DCAF4L1: variants seen among roughly 807,000 people sequenced by gnomAD.
DCAF4L1 encodes DDB1- and CUL4-associated factor 4-like protein 1.
DCAF4L1 carries 4 observed loss-of-function variants against 28.2 expected under a neutral mutation model. That is an observed-to-expected ratio of 0.14 (90% CI 0.07 to 0.33). The LOEUF (loss-of-function observed/expected upper bound fraction) is 0.33. Ranked by LOEUF, DCAF4L1 falls within the 10% of genes least tolerant of loss-of-function variation. The pLI, the probability that DCAF4L1 is intolerant of heterozygous loss-of-function variation, is 1.00. For synonymous variants in DCAF4L1, 252 were observed against 212.1 expected, an observed-to-expected ratio of 1.19 and a Z score of -1.63; for missense variants, 331 against 506.1, an observed-to-expected ratio of 0.65 and a Z score of 3.32.
Position 41,985,650 on chromosome 4 carries a change from TGTTCATTAATAGTAGAGTGGATA to T in DCAF4L1, c.*2668_*2690del, listed in dbSNP as rs1342322289. 1.2e-5 allele frequency: 2 copies of T among 167,112 alleles called. No homozygotes were observed. The highest frequency in any genetic ancestry group is 2.9e-5 in the Non-Finnish European group (2 of 68,132). 10.4% of individuals were successfully genotyped at this position (167,112 alleles called of 1,614,324 possible). On this transcript the variant is annotated 3_prime_UTR_variant, in exon 1 of 1. Coordinates refer to ENST00000333141, the MANE Select transcript of DCAF4L1 (RefSeq NM_001029955.4). ...TAGCTCCAACTGGAAACTACCCAAA[TGTTCATTAATAGTAGAGTGGATA>T]AATTGTGGGATATTAACACAATGGA...
chr4:41,982,290 T>A lies in DCAF4L1; in HGVS notation c.498T>A (p.Ser166Arg), dbSNP rs566185054. 4 of 1,614,220 alleles carry A rather than the reference T, an allele frequency of 2.5e-6. No individual in the cohort carries two copies. The highest frequency in any genetic ancestry group is 3.4e-6 in the Non-Finnish European group (4 of 1,180,038). ...TGCTCCCAGCGTCGCGGTTCTTAAG[T>A]GTTCACACAAGAGTTAACCAGCCTG... is the stretch of plus-strand genomic sequence containing the variant. ...AVLLPASRFL[S>R]VHTRVNQPGM... The change falls in exon 1 of 1, where the codon AGT (serine) becomes AGA (arginine). Residue 166 changes from serine to arginine, a missense_variant. By Grantham distance (110) the Ser-to-Arg change is moderately radical. Transcript: ENST00000333141. This position sits in a 1 kb window ranked among gnomAD's most constrained non-coding sequence, Gnocchi z 4.4.
At position 41,982,017 on chromosome 4, in the gene DCAF4L1, C is replaced by T; in HGVS notation, c.225C>T (p.Asn75=). 1.9e-6 allele frequency: 3 copies of T among 1,614,238 alleles called. No homozygotes were observed. Among genetic ancestry groups the T allele is most frequent in the Non-Finnish European group, 2.5e-6 (3 of 1,180,054 alleles). Residue 75 remains asparagine (N), a synonymous_variant, in exon 1 of 1, where the codon AAC becomes AAT. Coordinates refer to ENST00000333141, the MANE Select transcript of DCAF4L1 (RefSeq NM_001029955.4). The surrounding 1 kb of genome is among the most constrained non-coding windows in gnomAD (Gnocchi z 4.4). ...CCTCTTTGGCGAGCGACCGATTTAA[C>T]TTCATTCTGGCGAGTACCAACAGCG... is the stretch of plus-strand genomic sequence containing the variant. ...DPSSLASDRF[N]FILASTNSDQ...
rs1276494624 is a variant in DCAF4L1, at chr4:41,983,266, T to TA, written c.*286dup. Reference sequence around the variant, plus strand: ...CCACCTCCCCAACCCTTTTTTTTTTTAAATAATTAAGACTTTTCTAAGGAC... The same window carrying TA: ...CCACCTCCCCAACCCTTTTTTTTTTTAAAATAATTAAGACTTTTCTAAGGAC... On this transcript the variant is annotated 3_prime_UTR_variant, in exon 1 of 1. Coordinates refer to ENST00000333141, the MANE Select transcript of DCAF4L1 (RefSeq NM_001029955.4). The TA allele has an allele frequency of 1.4e-4, 40 of 277,296 alleles. No homozygotes were observed. Among genetic ancestry groups the TA allele is most frequent in the Middle Eastern group, 1.2e-3 (1 of 826 alleles). 17.2% of individuals were successfully genotyped at this position (277,296 alleles called of 1,614,324 possible). A position where few individuals can be genotyped will look rare whatever the true frequency, so the allele number is the denominator to read the frequency against.
At position 41,981,972 on chromosome 4, in the gene DCAF4L1, A is replaced by T; in HGVS notation, c.180A>T (p.Gln60His). Residue 60 changes from glutamine (Q) to histidine (H), a missense_variant, in exon 1 of 1, where the codon CAA becomes CAT. Physicochemically the swap from Gln to His is conservative, Grantham distance 24. Coordinates refer to ENST00000333141, the MANE Select transcript of DCAF4L1 (RefSeq NM_001029955.4). The part of the protein sequence containing the change: ...RVSCMERKKV[Q>H]IRSLDPSSLA... Reference sequence around the variant, plus strand: ...GCTGCATGGAGCGGAAAAAGGTCCAAATTCGGAGCTTGGATCCCTCCTCTT... The same window carrying T: ...GCTGCATGGAGCGGAAAAAGGTCCATATTCGGAGCTTGGATCCCTCCTCTT... 6.2e-7 allele frequency: 1 copy of T among 1,614,210 alleles called. No homozygotes were observed.
rs1211292161 is a variant in DCAF4L1, at chr4:41,983,924, A to G, written c.*941A>G. On this transcript the variant is annotated 3_prime_UTR_variant, in exon 1 of 1. Transcript: ENST00000333141. ...ATACAATCGGATACTGCATAATAAT[A>G]GAAAATAAGGCACACTTGCTATGTG... 6.0e-6 allele frequency: 1 copy of G among 166,280 alleles called. No homozygotes were observed. Among genetic ancestry groups the G allele is most frequent in the Non-Finnish European group, 1.5e-5 (1 of 68,118 alleles). The allele number at this position is 166,280 out of a possible 1,614,324, so 10.3% of individuals were successfully genotyped here. A position where few individuals can be genotyped will look rare whatever the true frequency, so the allele number is the denominator to read the frequency against.
At position 41,985,108 on chromosome 4, in the gene DCAF4L1, GTA is replaced by G. The variant is rs372013647; in HGVS notation, c.*2137_*2138del. On this transcript the variant is annotated 3_prime_UTR_variant, in exon 1 of 1. Transcript: ENST00000333141. ...AAGAACTAGCTGCAGACATATATAT[GTA>G]TATATATATATGTCTGATACTGATA... The G allele has an allele frequency of 1.3e-3, 221 of 165,246 alleles. No individual in the cohort carries two copies. The highest frequency in any genetic ancestry group is 4.0e-3 in the African/African-American group (165 of 41,030). The allele number at this position is 165,246 out of a possible 1,614,324, so 10.2% of individuals were successfully genotyped here.
At position 41,982,484 on chromosome 4, in the gene DCAF4L1, A is replaced by G. The variant is rs1354873085; in HGVS notation, c.692A>G (p.Gln231Arg). 20 of 1,614,092 alleles carry G rather than the reference A, an allele frequency of 1.2e-5. No homozygotes were observed. The highest frequency in any genetic ancestry group is 1.7e-5 in the Non-Finnish European group (20 of 1,180,042). Reference protein sequence around the residue: ...FDTSSDVLAQQFASTAPLLFN... With the variant: ...FDTSSDVLAQRFASTAPLLFN... ...ACCAGCAGTGATGTCTTGGCCCAGC[A>G]GTTTGCTAGTACGGCTCCTTTGCTG... Residue 231 changes from glutamine to arginine, a missense_variant, in exon 1 of 1, where the codon CAG becomes CGG. Physicochemically the swap from Gln to Arg is conservative, Grantham distance 43. Transcript: ENST00000333141. The surrounding 1 kb of genome is among the most constrained non-coding windows in gnomAD (Gnocchi z 4.4).
rs916327629 is a variant in DCAF4L1, at chr4:41,982,931, C to CA, written c.1140dup (p.Gly381ArgfsTer31). ...CTCGGGGGCATCCGGGGAGCAGCACCAGGGCTGCTCATGGCTGTCCGGCAG... is the reference window on the plus strand; with the variant it reads ...CTCGGGGGCATCCGGGGAGCAGCACCAAGGGCTGCTCATGGCTGTCCGGCAG... On this transcript the variant is annotated frameshift_variant, in exon 1 of 1. Coordinates refer to ENST00000333141, the MANE Select transcript of DCAF4L1 (RefSeq NM_001029955.4). LOFTEE classifies it high-confidence loss of function. This position sits in a 1 kb window ranked among gnomAD's most constrained non-coding sequence, Gnocchi z 4.4. 6 of 1,613,918 alleles carry CA rather than the reference C, an allele frequency of 3.7e-6. No homozygotes were observed. In the African/African-American group the frequency reaches 6.7e-5, roughly 18 times the overall value.
rs1326978035 is a variant in DCAF4L1 at position 41,984,105 on chromosome 4, TTTC to T, written c.*1125_*1127del. 2 of 164,048 alleles carry T rather than the reference TTTC, an allele frequency of 1.2e-5. No individual in the cohort carries two copies. The highest frequency in any genetic ancestry group is 1.3e-4 in the Admixed American group (2 of 15,192). 10.2% of individuals were successfully genotyped at this position (164,048 alleles called of 1,614,324 possible). ...CCTCTGTAGAAAGAAAGGATTTTTT[TTTC>T]TTTTTCTTTTTAGGATGTTTGAGAA... On this transcript the variant is annotated 3_prime_UTR_variant, in exon 1 of 1. Coordinates refer to ENST00000333141, the MANE Select transcript of DCAF4L1 (RefSeq NM_001029955.4).
rs1315238353 is a variant in DCAF4L1 at position 41,986,183 on chromosome 4, G to A, written c.*3200G>A. Reference sequence around the variant, plus strand: ...AGGACCTTGATCCCCTATATTGCCTGTGTTGTAAGGGATGGGCTGGGGGTT... The same window carrying A: ...AGGACCTTGATCCCCTATATTGCCTATGTTGTAAGGGATGGGCTGGGGGTT... On this transcript the variant is annotated 3_prime_UTR_variant, in exon 1 of 1. Transcript: ENST00000333141. 2 of 167,142 alleles carry A rather than the reference G, an allele frequency of 1.2e-5. No individual in the cohort carries two copies. Among genetic ancestry groups the A allele is most frequent in the African/African-American group, 4.8e-5 (2 of 41,452 alleles). The allele number at this position is 167,142 out of a possible 1,614,324, so 10.4% of individuals were successfully genotyped here.
At position 41,984,993 on chromosome 4, in the gene DCAF4L1, T is replaced by A. The variant is rs1714105915; in HGVS notation, c.*2010T>A. On this transcript the variant is annotated 3_prime_UTR_variant, in exon 1 of 1. Transcript: ENST00000333141. ...CTAAATGATAAAGTAGATACAGGGT[T>A]AAAGGATATGTATCTTGTCCCTTTT... 1 of 167,032 alleles carries A rather than the reference T, an allele frequency of 6.0e-6. No homozygotes were observed. The highest frequency in any genetic ancestry group is 1.5e-5 in the Non-Finnish European group (1 of 68,106). 10.3% of individuals were successfully genotyped at this position (167,032 alleles called of 1,614,324 possible).
Position 41,982,666 on chromosome 4 carries a change from G to A in DCAF4L1, c.874G>A (p.Gly292Arg). The change falls in exon 1 of 1, where the codon GGA (glycine) becomes AGA (arginine). Residue 292 changes from glycine (G) to arginine (R), a missense_variant. Physicochemically the swap from Gly to Arg is moderately radical, Grantham distance 125. Transcript: ENST00000333141. This position sits in a 1 kb window ranked among gnomAD's most constrained non-coding sequence, Gnocchi z 4.4. ...EQCLMASDMT[G>R]KIKLWDLRAT... ...ATGCCTGATGGCATCAGACATGACTGGAAAGATCAAGCTGTGGGATCTGAG... is the reference window on the plus strand; with the variant it reads ...ATGCCTGATGGCATCAGACATGACTAGAAAGATCAAGCTGTGGGATCTGAG... 1 of 1,614,234 alleles carries A rather than the reference G, an allele frequency of 6.2e-7. No individual in the cohort carries two copies. Among genetic ancestry groups the A allele is most frequent in the Non-Finnish European group, 8.5e-7 (1 of 1,180,038 alleles).
At position 41,981,808 on chromosome 4, in the gene DCAF4L1, C is replaced by G. The variant is rs778912180; in HGVS notation, c.16C>G (p.Leu6Val). The change falls in exon 1 of 1, where the codon CTG becomes GTG. Residue 6 changes from leucine (L) to valine (V), a missense_variant. Coordinates refer to ENST00000333141, the MANE Select transcript of DCAF4L1 (RefSeq NM_001029955.4). Reference sequence around the variant, plus strand: ...GCAGGAGGAAATGGAGGCTGAAAGGCTGCGACTCCTCGAGGAAGAGGCCAA... The same window carrying G: ...GCAGGAGGAAATGGAGGCTGAAAGGGTGCGACTCCTCGAGGAAGAGGCCAA... MEAER[L>V]RLLEEEAKLK... 9 of 1,613,942 alleles carry G rather than the reference C, an allele frequency of 5.6e-6. No homozygotes were observed. The highest frequency in any genetic ancestry group is 7.6e-6 in the Non-Finnish European group (9 of 1,179,870).
chr4:41,982,989 C>A lies in DCAF4L1; in HGVS notation c.*6C>A. On this transcript the variant is annotated 3_prime_UTR_variant, in exon 1 of 1. Transcript: ENST00000333141. The surrounding 1 kb of genome is among the most constrained non-coding windows in gnomAD (Gnocchi z 4.4). ...ATTGTTTCCCCTTCAGCTAATTCTG[C>A]AGGTGGCAGCGCGGCCGAATGTGGA... is the stretch of plus-strand genomic sequence containing the variant. 1 of 1,590,778 alleles carries A rather than the reference C, an allele frequency of 6.3e-7. No individual in the cohort carries two copies. Among genetic ancestry groups the A allele is most frequent in the Admixed American group, 1.8e-5 (1 of 56,394 alleles).
rs1003810658 is a variant in DCAF4L1, at chr4:41,984,739, T to C, written c.*1756T>C. ...AATTTGGTGACTTCAATACATAGAA[T>C]TAAAATAGATGGGATAGATGTGCTT... is the stretch of plus-strand genomic sequence containing the variant. On this transcript the variant is annotated 3_prime_UTR_variant, in exon 1 of 1. Transcript: ENST00000333141. 4 of 167,012 alleles carry C rather than the reference T, an allele frequency of 2.4e-5. No individual in the cohort carries two copies. The highest frequency in any genetic ancestry group is 5.9e-5 in the Non-Finnish European group (4 of 68,104). The allele number at this position is 167,012 out of a possible 1,614,324, so 10.3% of individuals were successfully genotyped here. A position where few individuals can be genotyped will look rare whatever the true frequency, so the allele number is the denominator to read the frequency against.
At position 41,981,948 on chromosome 4, in the gene DCAF4L1, C is replaced by T. The variant is rs1713995731; in HGVS notation, c.156C>T (p.Ser52=). The T allele has an allele frequency of 6.8e-6, 11 of 1,614,116 alleles. No homozygotes were observed. The highest frequency in any genetic ancestry group is 9.3e-6 in the Non-Finnish European group (11 of 1,180,046). ...GTTTAGCCAACGAGCTGCGTGTGAG[C>T]TGCATGGAGCGGAAAAAGGTCCAAA... ...YSRLANELRV[S]CMERKKVQIR... The change falls in exon 1 of 1, where the codon AGC becomes AGT. Residue 52 remains serine, a synonymous_variant. Transcript: ENST00000333141.
rs774053796 is a variant in DCAF4L1 at position 41,981,940 on chromosome 4, C to T, written c.148C>T (p.Arg50Cys). ...TTACTCCCGTTTAGCCAACGAGCTG[C>T]GTGTGAGCTGCATGGAGCGGAAAAA... is the stretch of plus-strand genomic sequence containing the variant. ...TSYSRLANEL[R>C]VSCMERKKVQ... The change falls in exon 1 of 1, where the codon CGT becomes TGT. Residue 50 changes from arginine to cysteine, a missense_variant. Physicochemically the swap from Arg to Cys is radical, Grantham distance 180. Transcript: ENST00000333141. 1.8e-5 allele frequency: 29 copies of T among 1,614,098 alleles called. No homozygotes were observed. The highest frequency in any genetic ancestry group is 5.5e-5 in the South Asian group (5 of 91,094).
rs748036510 is a variant in DCAF4L1, at chr4:41,982,100, G to A, written c.308G>A (p.Ser103Asn). Residue 103 changes from serine to asparagine, a missense_variant, in exon 1 of 1, where the codon AGC becomes AAC. Physicochemically the swap from Ser to Asn is conservative, Grantham distance 46. Coordinates refer to ENST00000333141, the MANE Select transcript of DCAF4L1 (RefSeq NM_001029955.4). This position sits in a 1 kb window ranked among gnomAD's most constrained non-coding sequence, Gnocchi z 4.4. The part of the protein sequence containing the change: ...EVEGSKYGII[S>N]LRTLKIPSFH... ...GAAGGCTCCAAGTACGGCATCATCA[G>A]CCTGCGAACTCTGAAGATCCCTTCG... is the stretch of plus-strand genomic sequence containing the variant. 51 of 1,614,068 alleles carry A rather than the reference G, an allele frequency of 3.2e-5. No homozygotes were observed. In the South Asian group the frequency reaches 5.4e-4, roughly 17 times the overall value.
chr4:41,983,035 A>T lies in DCAF4L1; in HGVS notation c.*52A>T, dbSNP rs1248673058. Reference sequence around the variant, plus strand: ...GTGGATTTGACTTAAGGAAGTTAAGAGTATCTTATTACCGTTTCTGTGAGA... The same window carrying T: ...GTGGATTTGACTTAAGGAAGTTAAGTGTATCTTATTACCGTTTCTGTGAGA... On this transcript the variant is annotated 3_prime_UTR_variant, in exon 1 of 1. Coordinates refer to ENST00000333141, the MANE Select transcript of DCAF4L1 (RefSeq NM_001029955.4). The T allele has an allele frequency of 2.0e-6, 3 of 1,476,968 alleles. No homozygotes were observed. The highest frequency in any genetic ancestry group is 2.8e-6 in the Non-Finnish European group (3 of 1,085,660). 91.5% of individuals were successfully genotyped at this position (1,476,968 alleles called of 1,614,324 possible).
Sources: gnomAD v4.1 joint callset for allele counts on GRCh38, gnomAD v4.1.1 for gene constraint, Gnocchi (gnomAD v3.1) non-coding constraint, MANE v1.5 for transcripts, NCBI Gene and HGNC (gene_info 2026-07-23, HGNC 2026-07-21) for gene names.